TGFBR2: variants seen among roughly 807,000 people sequenced by gnomAD.
The protein encoded by TGFBR2 is TGF-beta receptor type-2.
In TGFBR2, 18 loss-of-function variants were observed where a neutral mutation model predicts 49.0. The observed-to-expected ratio is 0.37, with a 90% confidence interval of 0.25 to 0.54. TGFBR2 has a LOEUF of 0.54. TGFBR2 is among the 20% of genes least tolerant of loss of function. The probability of loss-of-function intolerance (pLI) is 0.85; values close to 1 mark genes in which losing one functional copy is unlikely to be tolerated. For synonymous variants in TGFBR2, 282 were observed against 275.9 expected, an observed-to-expected ratio of 1.02 and a Z score of -0.22; for missense variants, 525 against 722.6, an observed-to-expected ratio of 0.73 and a Z score of 3.13.
At chr3:30,666,395 C>T (rs1699243598) in intron 3 of TGFBR2, among the ~76,000 whole-genome samples, 1 of 152,034 alleles carries the variant, frequency 6.6e-6, no homozygotes, top group Non-Finnish European at 1.5e-5. Context: ...TTTTTATTTC[C>T]TGGCAGGAAA....
At chr3:30,683,241 G>A (rs1267348219) in intron 5 of TGFBR2, among the ~76,000 whole-genome samples, 2 of 152,166 alleles carry the variant, frequency 1.3e-5, no homozygotes, top group African/African-American at 2.4e-5. Context: ...TCCTTAAGAA[G>A]CATTTAGGGC....
At chr3:30,667,836 T>G (rs1699270029) in intron 3 of TGFBR2, among the ~76,000 whole-genome samples, 1 of 152,200 alleles carries the variant, frequency 6.6e-6, no homozygotes, top group South Asian at 2.1e-4. Flanking sequence ...ATTTCTCATA[T>G]GTGAAAAAAA....
chr3:30,688,117 A>C (rs1325364782), intron 5 of TGFBR2, among the ~76,000 whole-genome samples: 5 of 152,202 alleles, frequency 3.3e-5, no homozygotes, highest in African/African-American at 9.7e-5. Context: ...GACCCTCTCT[A>C]TCTTGTTGTC....
At chr3:30,668,523 C>A (rs555552453) in intron 3 of TGFBR2, among the ~76,000 whole-genome samples, 1 of 152,252 alleles carries the variant, frequency 6.6e-6, no homozygotes, top group South Asian at 2.1e-4. Context: ...TGTTCATCTG[C>A]CCCCTTAATT....
chr3:30,626,226 T>G (rs1698328853), intron 1 of TGFBR2, among the ~76,000 whole-genome samples: 1 of 152,172 alleles, frequency 6.6e-6, no homozygotes, highest in Non-Finnish European at 1.5e-5. Context: ...GAAATTCCAT[T>G]TACTGGGTTG....
intron 3 of TGFBR2, among the ~76,000 whole-genome samples, chr3:30,656,520 G>GT (rs1699003075): frequency 1.3e-5 from 2 of 152,310 alleles, no homozygotes; most frequent in Admixed American, 1.3e-4. Context: ...GCCCTGGAGA[G>GT]TAATAGTGTG....
intron 1 of TGFBR2, chr3:30,623,405 T>A: frequency 8.2e-7 from 1 of 1,219,308 alleles, no homozygotes; most frequent in Non-Finnish European, 1.2e-6. Context: ...ATAGCTAAAT[T>A]GTTAAAGAGG....
chr3:30,684,452 C>T (rs1699591970), intron 5 of TGFBR2, among the ~76,000 whole-genome samples: 2 of 152,176 alleles, frequency 1.3e-5, no homozygotes, highest in African/African-American at 4.8e-5. Flanking sequence ...ATCATGCACA[C>T]ACTGCAGATC....
intron 1 of TGFBR2, among the ~76,000 whole-genome samples, chr3:30,608,541 G>A (rs1229789343): frequency 6.6e-6 from 1 of 152,136 alleles, no homozygotes. Context: ...TTTATCCAGG[G>A]ACATGGGCAG....
chr3:30,667,523 G>A (rs556960356), intron 3 of TGFBR2, among the ~76,000 whole-genome samples: 1 of 152,254 alleles, frequency 6.6e-6, no homozygotes, highest in Non-Finnish European at 1.5e-5. Flanking sequence ...TTAAGTGTAA[G>A]TCTTCTAAAG....
chr3:30,650,417 C>G lies in TGFBR2; in HGVS notation c.411C>G (p.Ser137=), dbSNP rs751623934. 1 of 1,613,990 alleles carries G rather than the reference C, an allele frequency of 6.2e-7. No homozygotes were observed. The highest frequency in any genetic ancestry group is 1.7e-4 in the Middle Eastern group (1 of 6,060). Residue 137 remains serine, a synonymous_variant, in exon 3 of 7, where the codon TCC becomes TCG. Coordinates refer to ENST00000295754, the MANE Select transcript of TGFBR2 (RefSeq NM_003242.6). ...KKPGETFFMC[S]CSSDECNDNI... ...CTGGTGAGACTTTCTTCATGTGTTC[C>G]TGTAGCTCTGATGAGTGCAATGACA...
intron 1 of TGFBR2, among the ~76,000 whole-genome samples, chr3:30,639,729 A>G (rs1698609699): frequency 1.3e-5 from 2 of 152,208 alleles, no homozygotes; most frequent in Admixed American, 6.5e-5. Context: ...TATTTGTAGA[A>G]CAAATAAATT....
chr3:30,628,135 C>G (rs1158770548), intron 1 of TGFBR2, among the ~76,000 whole-genome samples: 4 of 125,728 alleles, frequency 3.2e-5, no homozygotes, highest in Non-Finnish European at 6.6e-5. Context: ...TTTTAATCAT[C>G]TGTGTTTTTA....
chr3:30,674,535 C>T (rs1699400602), intron 5 of TGFBR2, among the ~76,000 whole-genome samples: 2 of 152,100 alleles, frequency 1.3e-5, no homozygotes, highest in South Asian at 4.1e-4. Flanking sequence ...TGGCAAGAGA[C>T]GAATACTAAT....
chr3:30,631,416 G>A (rs1481178143), intron 1 of TGFBR2, among the ~76,000 whole-genome samples: 5 of 152,068 alleles, frequency 3.3e-5, no homozygotes, highest in Admixed American at 3.3e-4. Context: ...CCTTTATGAT[G>A]TTTACTGCAA....
intron 1 of TGFBR2, among the ~76,000 whole-genome samples, chr3:30,643,606 G>A (rs931933590): frequency 6.6e-6 from 1 of 152,086 alleles, no homozygotes; most frequent in Non-Finnish European, 1.5e-5. Context: ...ATCCTACATG[G>A]CATCAAGGGC....
chr3:30,608,136 A>G (rs1697965106), intron 1 of TGFBR2, among the ~76,000 whole-genome samples: 1 of 151,708 alleles, frequency 6.6e-6, no homozygotes, highest in Admixed American at 6.6e-5. Flanking sequence ...ACGGGGTTTC[A>G]CCATATTGGC....
At position 30,685,694 on chromosome 3, in the gene TGFBR2, C is replaced by T. The variant is rs541680787; in HGVS notation, c.1397-2690C>T. Reference sequence around the variant, plus strand: ...CTATACGCTGCCTCTGAGAGTAAGGCGGTCATGTCCACGAATCTCTAGGAT... The same window carrying T: ...CTATACGCTGCCTCTGAGAGTAAGGTGGTCATGTCCACGAATCTCTAGGAT... On this transcript the variant is annotated intron_variant, in intron 5 of 6. Coordinates refer to ENST00000295754, the MANE Select transcript of TGFBR2 (RefSeq NM_003242.6). 3.3e-5 allele frequency among the ~76,000 whole-genome samples: 5 copies of T among 152,210 alleles called. No homozygotes were observed. The South Asian group carries it at 6.2e-4, about 19-fold the overall frequency.
intron 1 of TGFBR2, among the ~76,000 whole-genome samples, chr3:30,615,261 C>T (rs1181212344): frequency 6.6e-6 from 1 of 151,982 alleles, no homozygotes. Context: ...ACTTAACCTT[C>T]AAGGCTACCT....
Sources: gnomAD v4.1 joint callset for allele counts (sites outside exome capture counted in the v4.1 genomes callset) on GRCh38, gnomAD v4.1.1 for gene constraint, MANE v1.5 for transcripts, NCBI Gene and HGNC (gene_info 2026-07-23, HGNC 2026-07-21) for gene names.